OR4E2: variants seen among roughly 807,000 people sequenced by gnomAD.
OR4E2 encodes the protein olfactory receptor 4E2.
Under a neutral mutation model 11.0 loss-of-function variants are expected in OR4E2, and 9 were observed. That is an observed-to-expected ratio of 0.82 (90% confidence interval 0.49 to 1.43). The LOEUF (loss-of-function observed/expected upper bound fraction) is 1.43, where lower values mean the gene tolerates loss of function less well. Among genes scored for constraint, OR4E2 ranks in the 40% most tolerant of loss-of-function variants. OR4E2 has a pLI of 0.00. For missense variants in OR4E2, 441 were observed against 382.0 expected (o/e 1.15, Z -1.29); for synonymous variants, 159 against 147.3 (o/e 1.08, Z -0.57).
At chr14:21,660,009 T>C (rs1347221846) in intron 2 of OR4E2, among the ~76,000 whole-genome samples, 1 of 152,118 alleles carries the variant, frequency 6.6e-6, no homozygotes, top group Non-Finnish European at 1.5e-5. Context: ...GAGAAGGTGA[T>C]GTTTGAGCAA....
rs1880673857 is a variant in OR4E2 at position 21,666,742 on chromosome 14, G to C, written c.*718G>C. 1 of 151,078 alleles carries C rather than the reference G, an allele frequency of 6.6e-6. No individual in the cohort carries two copies. The highest frequency in any genetic ancestry group is 1.5e-5 in the Non-Finnish European group (1 of 67,892). The allele number at this position is 151,078 out of a possible 1,614,324, so 9.4% of individuals were successfully genotyped here. A position where few individuals can be genotyped will look rare whatever the true frequency, so the allele number is the denominator to read the frequency against. On this transcript the variant is annotated 3_prime_UTR_variant, in exon 4 of 4. Coordinates refer to ENST00000641524, the MANE Select transcript of OR4E2 (RefSeq NM_001001912.3). ...CCTAATTACTCTGTCGCCCAGGCTGGAGTGCAGTGGCGCCATCTTAGCTCA... is the reference window on the plus strand; with the variant it reads ...CCTAATTACTCTGTCGCCCAGGCTGCAGTGCAGTGGCGCCATCTTAGCTCA...
In OR4E2 at chr14:21,667,200, T is replaced by C. The variant is rs1239046135; in HGVS notation, c.*1176T>C. On this transcript the variant is annotated 3_prime_UTR_variant, in exon 4 of 4. Transcript: ENST00000641524. Reference sequence around the variant, plus strand: ...ATAATAAAAATATTAAGTATAAATATGTTTCTTTGCTTATTCTGAAAAAAA... The same window carrying C: ...ATAATAAAAATATTAAGTATAAATACGTTTCTTTGCTTATTCTGAAAAAAA... 1.3e-5 allele frequency: 2 copies of C among 152,164 alleles called. No homozygotes were observed. Among genetic ancestry groups the C allele is most frequent in the East Asian group, 1.9e-4 (1 of 5,200 alleles). 9.4% of individuals were successfully genotyped at this position (152,164 alleles called of 1,614,324 possible).
intron 1 of OR4E2, among the ~76,000 whole-genome samples, chr14:21,654,406 ACACACACATGCACACACACGCTGCATG>A (rs1879814462): frequency 8.0e-6 from 1 of 125,596 alleles, no homozygotes; most frequent in Non-Finnish European, 1.9e-5. Context: ...ACGCATGCAC[ACACACACATGCACACACACGCTGCATG>A]CACACACATG....
intron 3 of OR4E2, among the ~76,000 whole-genome samples, chr14:21,661,916 G>C (rs1880350013): frequency 6.6e-6 from 1 of 152,036 alleles, no homozygotes; most frequent in Non-Finnish European, 1.5e-5. Context: ...GGGTTCAGAG[G>C]TATGAGTGTT....
At chr14:21,660,285 T>C (rs12437226) in intron 2 of OR4E2, among the ~76,000 whole-genome samples, 126,535 of 152,192 alleles carry the variant, frequency 0.83, 52,784 homozygotes, top group Non-Finnish European at 0.86. Flanking sequence ...AGAGCTCAGG[T>C]GGTGATGCTG....
Position 21,665,881 on chromosome 14 carries a change from A to G in OR4E2, c.799A>G (p.Ile267Val), listed in dbSNP as rs760048857. The change falls in exon 4 of 4, where the codon ATT becomes GTT. Residue 267 changes from isoleucine (I) to valine (V), a missense_variant. Physicochemically the swap from Ile to Val is conservative, Grantham distance 29 (BLOSUM62 3). Transcript: ENST00000641524. The part of the protein sequence containing the change: ...IYTRPDTSFS[I>V]DKVVSVFYTV... Reference sequence around the variant, plus strand: ...TACTCGGCCAGACACCAGCTTCTCCATTGACAAGGTGGTGTCTGTCTTCTA... The same window carrying G: ...TACTCGGCCAGACACCAGCTTCTCCGTTGACAAGGTGGTGTCTGTCTTCTA... 7 of 1,609,268 alleles carry G rather than the reference A, an allele frequency of 4.3e-6. No homozygotes were observed. In the African/African-American group the frequency reaches 8.0e-5, roughly 18 times the overall value.
At chr14:21,664,966 T>C (rs1049902391) in intron 3 of OR4E2, 109 bp from the exon 4 acceptor site, 1 of 648,242 alleles carries the variant, frequency 1.5e-6, no homozygotes, top group African/African-American at 1.8e-5. Context: ...TCATAAGCTA[T>C]ATGCTCTGAT....
chr14:21,655,354 C>T (rs1879883937), intron 1 of OR4E2, among the ~76,000 whole-genome samples: 1 of 152,196 alleles, frequency 6.6e-6, no homozygotes, highest in South Asian at 2.1e-4. Flanking sequence ...TGATTTGCCA[C>T]AGACCCCTTA....
chr14:21,661,264 AT>A, intron 3 of OR4E2, among the ~76,000 whole-genome samples: 1 of 152,344 alleles, frequency 6.6e-6, no homozygotes, highest in South Asian at 2.1e-4. Context: ...TACAAACATA[AT>A]TCATGAATAT....
intron 1 of OR4E2, among the ~76,000 whole-genome samples, chr14:21,655,360 C>A (rs1225742625): frequency 6.6e-6 from 1 of 152,084 alleles, no homozygotes; most frequent in Non-Finnish European, 1.5e-5. Flanking sequence ...GCCACAGACC[C>A]CTTAAAAATT....
chr14:21,654,404 A>G (rs546180607), intron 1 of OR4E2, among the ~76,000 whole-genome samples: 133 of 125,552 alleles, frequency 1.1e-3, no homozygotes, highest in Middle Eastern at 4.6e-3. Context: ...ACACGCATGC[A>G]CACACACACA....
rs1594543980 is a variant in OR4E2 at position 21,657,576 on chromosome 14, C to CTCCCCCTT, written c.-103+987_-103+988insTCCCCCTT. ...CTGTCTCTCTCTCTCTCTCTCTCTCCCCCTTCCCTTCCCTTCCCTTCCTTT... is the reference window on the plus strand; with the variant it reads ...CTGTCTCTCTCTCTCTCTCTCTCTCCTCCCCCTTCCCTTCCCTTCCCTTCCCTTCCTTT... On this transcript the variant is annotated intron_variant, in intron 2 of 3. Transcript: ENST00000641524. 1.9e-4 allele frequency among the ~76,000 whole-genome samples: 25 copies of CTCCCCCTT among 128,912 alleles called. 1 individual carries two copies. The highest frequency in any genetic ancestry group is 2.6e-4 in the Admixed American group (3 of 11,624). 84.6% of individuals were successfully genotyped at this position (128,912 alleles called of 152,430 possible).
At chr14:21,664,740 A>T (rs1880532980) in intron 3 of OR4E2, among the ~76,000 whole-genome samples, 1 of 152,238 alleles carries the variant, frequency 6.6e-6, no homozygotes, top group Non-Finnish European at 1.5e-5. Flanking sequence ...ATATTAGCTT[A>T]ATGTTATCAG....
In OR4E2 at chr14:21,665,087, A is replaced by G. The variant is rs878933384; in HGVS notation, c.5A>G (p.Asp2Gly). 9 of 1,588,846 alleles carry G rather than the reference A, an allele frequency of 5.7e-6. No homozygotes were observed. The highest frequency in any genetic ancestry group is 6.9e-6 in the Non-Finnish European group (8 of 1,162,998). Residue 2 changes from aspartate to glycine, a missense_variant, in exon 4 of 4, where the codon GAC becomes GGC. By Grantham distance (94) the Asp-to-Gly change is moderately conservative (BLOSUM62 -1). Coordinates refer to ENST00000641524, the MANE Select transcript of OR4E2 (RefSeq NM_001001912.3). M[D>G]SLNQTRVTEF... ...TTTCCCCCCTAAGCTCATTGAATGGACAGTCTAAACCAAACAAGAGTGACT... is the reference window on the plus strand; with the variant it reads ...TTTCCCCCCTAAGCTCATTGAATGGGCAGTCTAAACCAAACAAGAGTGACT...
At chr14:21,662,719 C>T (rs1201597600) in intron 3 of OR4E2, among the ~76,000 whole-genome samples, 1 of 152,018 alleles carries the variant, frequency 6.6e-6, no homozygotes, top group Non-Finnish European at 1.5e-5. Context: ...AATGTAAGCC[C>T]CATGACATTG....
intron 2 of OR4E2, among the ~76,000 whole-genome samples, chr14:21,657,934 C>T (rs1225729978): frequency 6.6e-6 from 1 of 152,138 alleles, no homozygotes; most frequent in African/African-American, 2.4e-5. Context: ...TCATTTTGTT[C>T]TTACCCTACA....
Position 21,665,329 on chromosome 14 carries a change from G to A in OR4E2, c.247G>A (p.Glu83Lys). ...ATCTGTCACTGTGCCTAAGATGTTG[G>A]AGGGTTTGCTTTTAGAAAGAAAGAC... ...HSSVTVPKML[E>K]GLLLERKTIS... is the part of the protein sequence containing the mutation. Residue 83 changes from glutamate to lysine, a missense_variant, in exon 4 of 4, where the codon GAG becomes AAG. Coordinates refer to ENST00000641524, the MANE Select transcript of OR4E2 (RefSeq NM_001001912.3). 1 of 1,614,078 alleles carries A rather than the reference G, an allele frequency of 6.2e-7. No individual in the cohort carries two copies. Among genetic ancestry groups the A allele is most frequent in the African/African-American group, 1.3e-5 (1 of 75,000 alleles).
At chr14:21,658,735 A>T (rs978919316) in intron 2 of OR4E2, among the ~76,000 whole-genome samples, 2 of 151,974 alleles carry the variant, frequency 1.3e-5, no homozygotes, top group Admixed American at 1.3e-4. Flanking sequence ...TGCTGTGGGA[A>T]CTCTAGAGCT....
chr14:21,657,496 CTTCCTTCCTTCT>C (rs1298949132), intron 2 of OR4E2, among the ~76,000 whole-genome samples: 80 of 70,588 alleles, frequency 1.1e-3, no homozygotes, highest in African/African-American at 4.6e-3. Flanking sequence ...TCCTTCCTTC[CTTCCTTCCTTCT>C]TTCTTTGTTT....
Sources: gnomAD v4.1 joint callset for allele counts (sites outside exome capture counted in the v4.1 genomes callset) on GRCh38, gnomAD v4.1.1 for gene constraint, MANE v1.5 for transcripts, NCBI Gene and HGNC (gene_info 2026-07-23, HGNC 2026-07-21) for gene names.